PPIL6: variants seen among roughly 807,000 people sequenced by gnomAD.
PPIL6 encodes the protein probable inactive peptidyl-prolyl cis-trans isomerase-like 6.
A neutral mutation model predicts 36.8 loss-of-function variants in PPIL6; 39 were observed. That is an observed-to-expected ratio of 1.06 (90% CI 0.82 to 1.38). PPIL6 has a LOEUF of 1.38. Ranked by LOEUF, PPIL6 falls within the 40% of genes most tolerant of loss-of-function variation. PPIL6 has a pLI of 0.00. For synonymous variants in PPIL6, 123 were observed against 134.1 expected, an observed-to-expected ratio of 0.92 and a Z score of 0.57; for missense variants, 368 against 379.1, an observed-to-expected ratio of 0.97 and a Z score of 0.24.
intron 1 of PPIL6, among the ~76,000 whole-genome samples, chr6:109,437,794 T>C (rs1215905955): frequency 1.3e-5 from 2 of 152,136 alleles, no homozygotes; most frequent in African/African-American, 4.8e-5. Flanking sequence ...GGTCTTGAAC[T>C]CCTGACCTTA....
chr6:109,422,769 C>T (rs1291754844), intron 5 of PPIL6, among the ~76,000 whole-genome samples: 1 of 152,180 alleles, frequency 6.6e-6, no homozygotes, highest in Non-Finnish European at 1.5e-5. Flanking sequence ...GTGAAAGCTC[C>T]TACTGGAAAG....
In PPIL6 at chr6:109,413,342, C is replaced by A. The variant is rs1337464787; in HGVS notation, c.688+5845G>T. 6.6e-6 allele frequency among the ~76,000 whole-genome samples: 1 copy of A among 152,110 alleles called. No individual in the cohort carries two copies. Among genetic ancestry groups the A allele is most frequent in the Non-Finnish European group, 1.5e-5 (1 of 68,014 alleles). ...TTCTCAAAAGAAGACATACAAATGG[C>A]AAACAGGCATATGAAAAGGTGCTCA... On this transcript the variant is annotated intron_variant, in intron 6 of 7. Coordinates refer to ENST00000521072, the MANE Select transcript of PPIL6 (RefSeq NM_173672.5). The surrounding 1 kb of genome is among the most constrained non-coding windows in gnomAD (Gnocchi z 4.6).
At chr6:109,411,486 G>A (rs981807697) in intron 6 of PPIL6, among the ~76,000 whole-genome samples, 9 of 152,180 alleles carry the variant, frequency 5.9e-5, no homozygotes, top group African/African-American at 1.9e-4. Context: ...GGCAAGTTGA[G>A]ATTAACATTC....
In PPIL6 at chr6:109,427,898, T is replaced by C. The variant is rs1194105265; in HGVS notation, c.421-742A>G. On this transcript the variant is annotated intron_variant, in intron 3 of 7. Transcript: ENST00000521072. ...TGGGAAGGATCCATCATGAACATCA[T>C]GGATTTGGTTACTGTGCGTCCTGGA... Among the ~76,000 whole-genome samples the C allele has an allele frequency of 3.3e-5, 5 of 152,194 alleles. No homozygotes were observed. In the East Asian group the frequency reaches 9.6e-4, roughly 29 times the overall value.
intron 6 of PPIL6, among the ~76,000 whole-genome samples, chr6:109,405,260 G>A (rs1039121884): frequency 9.9e-5 from 15 of 151,954 alleles, no homozygotes; most frequent in East Asian, 1.9e-4. Flanking sequence ...TCATTCCCCC[G>A]ACTTTTATAT....
intron 6 of PPIL6, among the ~76,000 whole-genome samples, chr6:109,410,795 T>C (rs1024137175): frequency 2.0e-5 from 3 of 152,140 alleles, no homozygotes; most frequent in African/African-American, 4.8e-5. Flanking sequence ...AGACCACATA[T>C]GGTGCCTTCT....
At chr6:109,421,667 G>A (rs1187849955) in intron 5 of PPIL6, among the ~76,000 whole-genome samples, 1 of 152,118 alleles carries the variant, frequency 6.6e-6, no homozygotes, top group Non-Finnish European at 1.5e-5. Context: ...TATGAATAGA[G>A]GAAATGCGGT....
At chr6:109,430,601 A>C (rs924041785) in intron 3 of PPIL6, among the ~76,000 whole-genome samples, 1 of 151,914 alleles carries the variant, frequency 6.6e-6, no homozygotes, top group Non-Finnish European at 1.5e-5. Flanking sequence ...TAATTTTTGT[A>C]TTTTTAGTAG....
chr6:109,440,079 T>C (rs749197816), intron 1 of PPIL6: 3 of 322,136 alleles, frequency 9.3e-6, no homozygotes, highest in Non-Finnish European at 1.8e-5. Context: ...GCTAGTTATA[T>C]AGTAATCATT....
chr6:109,417,696 T>C (rs1047049849), intron 6 of PPIL6, among the ~76,000 whole-genome samples: 1 of 152,208 alleles, frequency 6.6e-6, no homozygotes, highest in African/African-American at 2.4e-5. Flanking sequence ...GTATGCCTGA[T>C]AGCAAAACAA....
chr6:109,434,930 G>A (rs768971117), intron 2 of PPIL6, among the ~76,000 whole-genome samples: 3 of 152,140 alleles, frequency 2.0e-5, no homozygotes, highest in Non-Finnish European at 2.9e-5. Context: ...ATCATCCCTG[G>A]ACAAGCTCTG....
At chr6:109,433,677 G>A (rs530361948) in intron 2 of PPIL6, among the ~76,000 whole-genome samples, 1 of 152,314 alleles carries the variant, frequency 6.6e-6, no homozygotes, top group South Asian at 2.1e-4. Context: ...GTTGAACCTA[G>A]TGAGTTCAGA....
chr6:109,431,576 T>C (rs530572184), intron 2 of PPIL6, among the ~76,000 whole-genome samples: 2 of 152,288 alleles, frequency 1.3e-5, no homozygotes, highest in East Asian at 3.9e-4. Flanking sequence ...CTAAAAAGTA[T>C]CATAAAAATG....
chr6:109,395,233 C>A (rs1772246330), intron 7 of PPIL6, among the ~76,000 whole-genome samples: 1 of 151,926 alleles, frequency 6.6e-6, no homozygotes, highest in Non-Finnish European at 1.5e-5. Context: ...ATGGGGAAAA[C>A]CCATCTCTAC....
rs142180873 is a variant in PPIL6, at chr6:109,419,345, C to T, written c.632-102G>A. 5,013 of 746,224 alleles carry T rather than the reference C, an allele frequency of 6.7e-3. 54 individuals are homozygous for T. Among genetic ancestry groups the T allele is most frequent in the Non-Finnish European group, 6.7e-3 (2,834 of 424,884 alleles). 46.2% of individuals were successfully genotyped at this position (746,224 alleles called of 1,614,324 possible). ...TTTGCTTTCAATGATGATTTCAAGG[C>T]TGAGGTGGGATGATCACTGGAGCCC... On this transcript the variant is annotated intron_variant, in intron 5 of 7. Transcript: ENST00000521072.
intron 6 of PPIL6, among the ~76,000 whole-genome samples, chr6:109,415,273 T>G (rs1464079399): frequency 6.6e-6 from 1 of 152,258 alleles, no homozygotes; most frequent in Non-Finnish European, 1.5e-5. Flanking sequence ...TTTAGTTTCA[T>G]TGCTCTTATC....
chr6:109,419,655 G>A (rs1323161369), intron 5 of PPIL6, among the ~76,000 whole-genome samples: 2 of 151,942 alleles, frequency 1.3e-5, no homozygotes, highest in Non-Finnish European at 2.9e-5. Context: ...CTCAGGAGGT[G>A]GAGGTTGCGG....
At chr6:109,415,826 T>C (rs985006801) in intron 6 of PPIL6, among the ~76,000 whole-genome samples, 3 of 152,210 alleles carry the variant, frequency 2.0e-5, no homozygotes, top group African/African-American at 7.2e-5. Flanking sequence ...GAGGCTGAAT[T>C]AGACATGTTG....
Position 109,436,209 on chromosome 6 carries a change from G to T in PPIL6, c.136-10C>A, listed in dbSNP as rs548621455. 2 of 1,397,282 alleles carry T rather than the reference G, an allele frequency of 1.4e-6. No individual in the cohort carries two copies. Among genetic ancestry groups the T allele is most frequent in the South Asian group, 1.2e-5 (1 of 83,694 alleles). 86.6% of individuals were successfully genotyped at this position (1,397,282 alleles called of 1,614,324 possible). On this transcript the variant is annotated splice_polypyrimidine_tract_variant and intron_variant, in intron 1 of 7. Coordinates refer to ENST00000521072, the MANE Select transcript of PPIL6 (RefSeq NM_173672.5). ...GATTATTCTTCAGATTCTGGATTTC[G>T]AAATAGAATAATTATTTTAGAGTTA...
Sources: allele counts gnomAD v4.1 joint callset (sites outside exome capture counted in the v4.1 genomes callset), GRCh38; gene constraint gnomAD v4.1.1; non-coding constraint Gnocchi (gnomAD v3.1); transcripts MANE v1.5; gene names NCBI Gene and HGNC (gene_info 2026-07-23, HGNC 2026-07-21).